TRMT44: variants seen among roughly 807,000 people sequenced by gnomAD.
TRMT44 encodes tRNA methyltransferase 44 homolog.
In TRMT44, 78 loss-of-function variants were observed where a neutral mutation model predicts 77.3. That is an observed-to-expected ratio of 1.01 (90% CI 0.84 to 1.22). TRMT44 has a LOEUF of 1.22. Ranked by LOEUF, TRMT44 falls within the 50% of genes most tolerant of loss-of-function variation. TRMT44 has a pLI of 0.00. For missense variants in TRMT44, 1,090 were observed against 964.4 expected (o/e 1.13, Z -1.73); for synonymous variants, 391 against 383.3 (o/e 1.02, Z -0.23).
chr4:8,449,892 A>G lies in TRMT44; in HGVS notation c.954+4A>G, dbSNP rs185822187. The G allele has an allele frequency of 8.3e-5, 120 of 1,437,610 alleles. 1 individual carries two copies. In the East Asian group the frequency reaches 2.5e-3, roughly 30 times the overall value. 89.1% of individuals were successfully genotyped at this position (1,437,610 alleles called of 1,614,324 possible). A position where few individuals can be genotyped will look rare whatever the true frequency, so the allele number is the denominator to read the frequency against. On this transcript the variant is annotated splice_donor_region_variant and intron_variant, in intron 3 of 10. Coordinates refer to ENST00000389737, the MANE Select transcript of TRMT44 (RefSeq NM_152544.3). The stretch of plus-strand genomic sequence containing the variant: ...GAAGTATAAGGAAATGGTTAAGGTA[A>G]TTCTGGTGGAGAATATCTGATTTTT...
chr4:8,486,839 T>C (rs543333285), intron 2 of TRMT44, among the ~76,000 whole-genome samples: 1 of 151,808 alleles, frequency 6.6e-6, no homozygotes, highest in South Asian at 2.1e-4. Context: ...GATAAAAGGA[T>C]TATAGGGTGG....
downstream of TRMT44, among the ~76,000 whole-genome samples, chr4:8,498,043 C>A (rs1728200554): frequency 6.6e-6 from 1 of 152,224 alleles, no homozygotes; most frequent in Non-Finnish European, 1.5e-5. The surrounding 1 kb of genome is among the most constrained non-coding windows in gnomAD (Gnocchi z 4.3). Context: ...TGGACTCCCA[C>A]CCACTCCAGT....
chr4:8,505,968 T>A, the TRMT44 span, among the ~76,000 whole-genome samples: 1 of 152,232 alleles, frequency 6.6e-6, no homozygotes, highest in Admixed American at 6.5e-5. Flanking sequence ...TCCCCAACCA[T>A]GTGGAACTGT....
At chr4:8,453,787 A>T (rs1360245196) in intron 5 of TRMT44, 1 of 152,278 alleles carries the variant, frequency 6.6e-6, no homozygotes, top group Non-Finnish European at 1.5e-5. Context: ...CTAGGGGGCA[A>T]CAGCTGGAAC....
chr4:8,479,577 T>C (rs1379994114), downstream of TRMT44: 1 of 152,072 alleles, frequency 6.6e-6, no homozygotes, highest in Admixed American at 6.5e-5. Context: ...AGTGAAAATA[T>C]GATGTAAAAG....
Position 8,454,755 on chromosome 4 carries a change from G to A in TRMT44, c.1145G>A (p.Gly382Glu). 1.2e-6 allele frequency: 2 copies of A among 1,614,162 alleles called. No individual in the cohort carries two copies. The highest frequency in any genetic ancestry group is 2.2e-5 in the South Asian group (2 of 91,086). Residue 382 changes from glycine to glutamate, a missense_variant, in exon 6 of 11, where the codon GGG becomes GAG. Gly to Glu is a moderately conservative substitution (Grantham distance 98). Coordinates refer to ENST00000389737, the MANE Select transcript of TRMT44 (RefSeq NM_152544.3). ...ILSSEGHPGR[G>E]IDVRRRKIWD... ...TAATTTTTTCAGCATCCAGGCAGAG[G>A]GATTGATGTCCGAAGAAGAAAAATC... is the stretch of plus-strand genomic sequence containing the variant.
At chr4:8,491,383 G>A (rs1727998551) in intron 2 of TRMT44, among the ~76,000 whole-genome samples, 1 of 152,254 alleles carries the variant, frequency 6.6e-6, no homozygotes. Flanking sequence ...AGGTGGAGCT[G>A]CCTGCCAGTG....
rs1214647157 is a variant in TRMT44 at position 8,461,214 on chromosome 4, T to C, written c.1204-2771T>C. On this transcript the variant is annotated intron_variant, in intron 6 of 10. Coordinates refer to ENST00000389737, the MANE Select transcript of TRMT44 (RefSeq NM_152544.3). This position sits in a 1 kb window ranked among gnomAD's most constrained non-coding sequence, Gnocchi z 4.6. Reference sequence around the variant, plus strand: ...TTTTACAGTGATTGGCAGTTGCTTGTCCACTCATACATTACATTAGGAAAT... The same window carrying C: ...TTTTACAGTGATTGGCAGTTGCTTGCCCACTCATACATTACATTAGGAAAT... Among the ~76,000 whole-genome samples the C allele has an allele frequency of 6.6e-6, 1 of 152,136 alleles. No individual in the cohort carries two copies. The highest frequency in any genetic ancestry group is 1.5e-5 in the Non-Finnish European group (1 of 68,038).
chr4:8,441,120 C>T lies in TRMT44; in HGVS notation c.298C>T (p.Leu100Phe). Reference protein sequence around the residue: ...GPEQGTACCELEEAQGQCQQE... With the variant: ...GPEQGTACCEFEEAQGQCQQE... ...CGAGCAGGGCACGGCATGTTGCGAA[C>T]TTGAGGAGGCCCAGGGCCAGTGCCA... Residue 100 changes from leucine to phenylalanine, a missense_variant, in exon 1 of 11, where the codon CTT becomes TTT. Leu to Phe is a conservative substitution (Grantham distance 22). Coordinates refer to ENST00000389737, the MANE Select transcript of TRMT44 (RefSeq NM_152544.3). 6.6e-7 allele frequency: 1 copy of T among 1,518,012 alleles called. No individual in the cohort carries two copies. The highest frequency in any genetic ancestry group is 8.8e-7 in the Non-Finnish European group (1 of 1,135,566). The allele number at this position is 1,518,012 out of a possible 1,614,324, so 94.0% of individuals were successfully genotyped here.
In TRMT44 at chr4:8,444,677, C is replaced by T. The variant is rs922221298; in HGVS notation, c.620-1799C>T. ...CCTCCCAAAGTGCCGGGGTTACGGG[C>T]GTGAGCCACCTCTCCCGGCCACTAT... On this transcript the variant is annotated intron_variant, in intron 1 of 10. Transcript: ENST00000389737. The surrounding 1 kb of genome is among the most constrained non-coding windows in gnomAD (Gnocchi z 4.0). 1.3e-5 allele frequency among the ~76,000 whole-genome samples: 2 copies of T among 152,164 alleles called. No homozygotes were observed. The highest frequency in any genetic ancestry group is 3.9e-4 in the East Asian group (2 of 5,192).
At chr4:8,456,418 G>A (rs1392110777) in intron 6 of TRMT44, among the ~76,000 whole-genome samples, 1 of 152,096 alleles carries the variant, frequency 6.6e-6, no homozygotes, top group South Asian at 2.1e-4. Context: ...CTCCCAAGAA[G>A]CAGAGAAAAG....
chr4:8,506,114 T>G, the TRMT44 span, among the ~76,000 whole-genome samples: 1 of 152,242 alleles, frequency 6.6e-6, no homozygotes, highest in Non-Finnish European at 1.5e-5. Context: ...CCTGAGTATG[T>G]GCTCCTGATG....
downstream of TRMT44, chr4:8,479,394 A>G (rs1727542901): frequency 6.6e-6 from 1 of 152,066 alleles, no homozygotes; most frequent in South Asian, 2.1e-4. Flanking sequence ...CTGCAACATC[A>G]GAGTGTGCCC....
At chr4:8,467,329 CCAG>C (rs1016652861) in intron 8 of TRMT44, among the ~76,000 whole-genome samples, 1 of 152,076 alleles carries the variant, frequency 6.6e-6, no homozygotes, top group Non-Finnish European at 1.5e-5. Flanking sequence ...GCTGCCGGGC[CCAG>C]GAGTGTGGAC....
chr4:8,451,984 G>C lies in TRMT44; in HGVS notation c.979G>C (p.Glu327Gln). The C allele has an allele frequency of 6.5e-7, 1 of 1,536,792 alleles. No homozygotes were observed. Among genetic ancestry groups the C allele is most frequent in the Non-Finnish European group, 8.7e-7 (1 of 1,147,036 alleles). Residue 327 changes from glutamate to glutamine, a missense_variant, in exon 4 of 11, where the codon GAG (glutamate) becomes CAG (glutamine). Coordinates refer to ENST00000389737, the MANE Select transcript of TRMT44 (RefSeq NM_152544.3). This position sits in a 1 kb window ranked among gnomAD's most constrained non-coding sequence, Gnocchi z 4.1. ...GGTGTGGCCTGAAGTCACTGATCCTGAGAAGTTCGTGTATGAAGATGTGGC... is the reference window on the plus strand; with the variant it reads ...GGTGTGGCCTGAAGTCACTGATCCTCAGAAGTTCGTGTATGAAGATGTGGC... ...VKVWPEVTDP[E>Q]KFVYEDVAIA...
intron 8 of TRMT44, among the ~76,000 whole-genome samples, chr4:8,467,678 G>C (rs1191827028): frequency 2.0e-5 from 3 of 152,150 alleles, no homozygotes; most frequent in African/African-American, 7.2e-5. Context: ...ACGGGATTTT[G>C]CCATGTTGGC....
the TRMT44 span, among the ~76,000 whole-genome samples, chr4:8,504,917 C>T: frequency 1.4e-4 from 21 of 152,276 alleles, no homozygotes; most frequent in African/African-American, 4.8e-4. This position sits in a 1 kb window ranked among gnomAD's most constrained non-coding sequence, Gnocchi z 5.3. Context: ...CTGTATCTAC[C>T]ACTTCCCCCA....
In TRMT44 at chr4:8,465,562, G is replaced by A. The variant is rs199790265; in HGVS notation, c.1494+1G>A. ...CCTCAGGATTCCTTCAACCAAAAGA[G>A]TATGTCTGATTCTCATGTTGTTCTA... On this transcript the variant is annotated splice_donor_variant, in intron 8 of 10. Transcript: ENST00000389737. LOFTEE classifies it high-confidence loss of function. The A allele has an allele frequency of 3.7e-5, 60 of 1,610,466 alleles. No individual in the cohort carries two copies. The highest frequency in any genetic ancestry group is 4.8e-5 in the Non-Finnish European group (57 of 1,178,196).
At chr4:8,453,047 G>C (rs904406700) in intron 5 of TRMT44, 58 bp downstream of exon 5, 21 of 1,086,328 alleles carry the variant, frequency 1.9e-5, no homozygotes, top group Non-Finnish European at 2.7e-5. Context: ...CTCAAGTCAG[G>C]CACAGGGTTC....
Sources: allele counts gnomAD v4.1 joint callset (sites outside exome capture counted in the v4.1 genomes callset), GRCh38; gene constraint gnomAD v4.1.1; non-coding constraint Gnocchi (gnomAD v3.1); transcripts MANE v1.5; gene names NCBI Gene and HGNC (gene_info 2026-07-23, HGNC 2026-07-21).